The following NUP210 variants were observed in gnomAD, a reference collection of about 807,000 sequenced individuals.
The protein encoded by NUP210 is nucleoporin 210.
A neutral mutation model predicts 196.0 loss-of-function variants in NUP210; 151 were observed. The observed-to-expected ratio is 0.77, with a 90% CI of 0.67 to 0.88. The LOEUF is 0.88. NUP210 is among the 40% of genes least tolerant of loss of function. NUP210 has a pLI of 0.00. For missense variants in NUP210, 2,314 were observed against 2,493.7 expected (o/e 0.93, Z 1.53); for synonymous variants, 1,070 against 1,052.7 (o/e 1.02, Z -0.32).
intron 1 of NUP210, among the ~76,000 whole-genome samples, chr3:13,416,693 G>A (rs1263472788): frequency 1.3e-5 from 2 of 152,332 alleles, no homozygotes; most frequent in East Asian, 3.9e-4. Flanking sequence ...TCAATGAGGA[G>A]GCAACTTCAA....
chr3:13,351,894 G>A lies in NUP210; in HGVS notation c.2820C>T (p.Ala940=), dbSNP rs772424549. 6.2e-6 allele frequency: 10 copies of A among 1,613,144 alleles called. No homozygotes were observed. Among genetic ancestry groups the A allele is most frequent in the Middle Eastern group, 1.6e-4 (1 of 6,062 alleles). Residue 940 remains alanine, a synonymous_variant, in exon 20 of 40, where the codon GCC becomes GCT. Coordinates refer to ENST00000254508, the MANE Select transcript of NUP210 (RefSeq NM_024923.4). ...CCAAGCTTACCATGGCGACACCCCT[G>A]GCCTCCTGGTAGGCCACCTTGACAA... ...ADVVKVAYQE[A]RGVAMVHPLL...
intron 6 of NUP210, among the ~76,000 whole-genome samples, chr3:13,381,778 A>G (rs1276231568): frequency 6.6e-6 from 1 of 152,038 alleles, no homozygotes; most frequent in Non-Finnish European, 1.5e-5. Context: ...GGAAGCCCAC[A>G]TTCTTCTAAA....
At chr3:13,410,482 C>A (rs898105387) in intron 1 of NUP210, among the ~76,000 whole-genome samples, 2 of 149,822 alleles carry the variant, frequency 1.3e-5, no homozygotes, top group African/African-American at 2.5e-5. Flanking sequence ...CTGGCCAATA[C>A]TGATTTTTAA....
intron 3 of NUP210, among the ~76,000 whole-genome samples, chr3:13,394,538 G>A (rs756718183): frequency 6.6e-6 from 1 of 152,244 alleles, no homozygotes; most frequent in African/African-American, 2.4e-5. Context: ...AAACAGCTCA[G>A]GCGACAGAGT....
chr3:13,410,547 AG>A (rs2124961419), intron 1 of NUP210, among the ~76,000 whole-genome samples: 1 of 148,952 alleles, frequency 6.7e-6, no homozygotes, highest in African/African-American at 2.5e-5. Flanking sequence ...ACACTTTGGG[AG>A]GCCAAGGTAG....
intron 15 of NUP210, among the ~76,000 whole-genome samples, chr3:13,360,039 G>T (rs1413530506): frequency 6.6e-6 from 1 of 152,192 alleles, no homozygotes; most frequent in Non-Finnish European, 1.5e-5. Flanking sequence ...CACCCAACTG[G>T]CCTACTCTAT....
intron 16 of NUP210, among the ~76,000 whole-genome samples, chr3:13,355,668 G>A (rs1559325805): frequency 6.6e-6 from 1 of 152,206 alleles, no homozygotes; most frequent in African/African-American, 2.4e-5. Context: ...ATTCAAGCAG[G>A]CTACAAATTC....
intron 20 of NUP210, chr3:13,344,967 G>A (rs1382358017): frequency 1.0e-6 from 1 of 985,252 alleles, no homozygotes; most frequent in African/African-American, 1.7e-5. Context: ...CCTCTTCTGG[G>A]GGCTGGTCCT....
intron 36 of NUP210, among the ~76,000 whole-genome samples, chr3:13,321,298 A>C (rs550294159): frequency 2.4e-4 from 36 of 152,254 alleles, no homozygotes; most frequent in Admixed American, 3.9e-4. Context: ...CACGCACCAC[A>C]CGCTCACTGG....
intron 3 of NUP210, 49 bp from the exon 4 acceptor site, chr3:13,391,356 G>T: frequency 1.5e-6 from 2 of 1,305,302 alleles, no homozygotes; most frequent in Non-Finnish European, 2.2e-6. Flanking sequence ...TAATTTCCCA[G>T]GGTGGAGGGA....
At chr3:13,326,004 T>A in intron 32 of NUP210, 73 bp from the exon 33 acceptor site, 1 of 1,574,272 alleles carries the variant, frequency 6.4e-7, no homozygotes, top group Non-Finnish European at 8.6e-7. Context: ...CTCACCTGGA[T>A]GACAGGCCAG....
At chr3:13,375,418 A>G in intron 11 of NUP210, 86 bp downstream of exon 11, 1 of 1,293,964 alleles carries the variant, frequency 7.7e-7, no homozygotes, top group East Asian at 2.4e-5. Flanking sequence ...CTAGAGAGTA[A>G]TACTAAAAGT....
chr3:13,355,275 C>T (rs1698131053), intron 16 of NUP210, among the ~76,000 whole-genome samples: 1 of 152,206 alleles, frequency 6.6e-6, no homozygotes, highest in Admixed American at 6.5e-5. Flanking sequence ...CTCTCATCCT[C>T]TGGTTAGAAG....
At position 13,339,937 on chromosome 3, in the gene NUP210, C is replaced by A. The variant is rs142363422; in HGVS notation, c.3388G>T (p.Gly1130Cys). 1 of 1,614,058 alleles carries A rather than the reference C, an allele frequency of 6.2e-7. No individual in the cohort carries two copies. Among genetic ancestry groups the A allele is most frequent in the Non-Finnish European group, 8.5e-7 (1 of 1,180,054 alleles). ...ALVSAAGLVQ[G>C]LAIGNGTVSG... ...ACAGTGCCGTTCCCGATGGCGAGGC[C>A]CTGTACCAGCCCAGCAGCGCTCACC... is the stretch of plus-strand genomic sequence containing the variant. Residue 1130 changes from glycine to cysteine, a missense_variant, in exon 25 of 40, where the codon GGC (glycine) becomes TGC (cysteine). Coordinates refer to ENST00000254508, the MANE Select transcript of NUP210 (RefSeq NM_024923.4).
Position 13,343,216 on chromosome 3 carries a change from C to A in NUP210, c.2923G>T (p.Val975Leu). 1.2e-6 allele frequency: 2 copies of A among 1,614,084 alleles called. No homozygotes were observed. Among genetic ancestry groups the A allele is most frequent in the Non-Finnish European group, 1.7e-6 (2 of 1,180,020 alleles). ...FPAPAKAVVY[V>L]SDIQELYIRV... ...ATGTACAGCTCCTGAATGTCCGACA[C>A]GTAAACGACAGCCTTGGCTGGGGCC... The change falls in exon 21 of 40, where the codon GTG becomes TTG. Residue 975 changes from valine (V) to leucine (L), a missense_variant. Physicochemically the swap from Val to Leu is conservative, Grantham distance 32. Coordinates refer to ENST00000254508, the MANE Select transcript of NUP210 (RefSeq NM_024923.4).
intron 13 of NUP210, among the ~76,000 whole-genome samples, chr3:13,369,909 G>C (rs902686169): frequency 4.6e-5 from 7 of 152,344 alleles, no homozygotes; most frequent in South Asian, 2.1e-4. Flanking sequence ...CCACAGAGGG[G>C]AGGCCAGCCT....
chr3:13,386,442 C>T (rs376167293), intron 5 of NUP210, 35 bp from the exon 6 acceptor site: 30 of 1,611,850 alleles, frequency 1.9e-5, no homozygotes, highest in Middle Eastern at 1.7e-4. Flanking sequence ...AAGTGAGGTG[C>T]GGACAGGGAA....
rs755531135 is a variant in NUP210, at chr3:13,343,166, T to A, written c.2964+9A>T. 1 of 1,613,796 alleles carries A rather than the reference T, an allele frequency of 6.2e-7. No individual in the cohort carries two copies. Among genetic ancestry groups the A allele is most frequent in the South Asian group, 1.1e-5 (1 of 91,074 alleles). ...GCCGAGGGTGCCCCGTCATGAAGCT[T>A]CCACTGACCTTGTCAACCACACGGA... is the stretch of plus-strand genomic sequence containing the variant. On this transcript the variant is annotated intron_variant, in intron 21 of 39. Coordinates refer to ENST00000254508, the MANE Select transcript of NUP210 (RefSeq NM_024923.4).
rs552732875 is a variant in NUP210, at chr3:13,408,385, A to G, written c.168-8524T>C. Among the ~76,000 whole-genome samples, 5 of 152,260 alleles carry G rather than the reference A, an allele frequency of 3.3e-5. No homozygotes were observed. In the East Asian group the frequency reaches 9.6e-4, roughly 29 times the overall value. ...CCTCATAAAAGTGAATTAGGAAACA[A>G]TTGCTCCTTCTCTCTCTCCTGAGAG... On this transcript the variant is annotated intron_variant, in intron 1 of 39. Transcript: ENST00000254508.
Sources: gnomAD v4.1 joint callset for allele counts (sites outside exome capture counted in the v4.1 genomes callset) on GRCh38, gnomAD v4.1.1 for gene constraint, MANE v1.5 for transcripts, NCBI Gene and HGNC (gene_info 2026-07-23, HGNC 2026-07-21) for gene names.